Variants in TRHDE observed in about 807,000 individuals in gnomAD.
TRHDE encodes the protein thyrotropin releasing hormone degrading enzyme.
Under a neutral mutation model 125.7 loss-of-function variants are expected in TRHDE, and 72 were observed. The ratio of observed to expected loss-of-function variants is 0.57; its 90% CI spans 0.47 to 0.70. TRHDE has a LOEUF of 0.70. Ranked by LOEUF, TRHDE falls within the 30% of genes least tolerant of loss-of-function variation. TRHDE has a pLI of 0.00. For missense variants in TRHDE, 1,110 were observed against 1,327.1 expected, an observed-to-expected ratio of 0.84 and a Z score of 2.54; for synonymous variants, 509 against 509.1, an observed-to-expected ratio of 1.00 and a Z score of 0.00.
chr12:72,328,490 T>TTTTTTTTTTTTTTTTTTTGAG (rs1869440122), intron 2 of TRHDE, among the ~76,000 whole-genome samples: 1 of 152,140 alleles, frequency 6.6e-6, no homozygotes, highest in African/African-American at 2.4e-5. Context: ...ATTGATGATT[T>TTTTTTTTTTTTTTTTTTTGAG]AATTCATCAT....
intron 12 of TRHDE, among the ~76,000 whole-genome samples, chr12:72,593,374 A>G (rs1014115985): frequency 1.3e-5 from 2 of 152,338 alleles, no homozygotes; most frequent in Admixed American, 6.5e-5. Context: ...AACCAATCTA[A>G]GTGACTCCAA....
chr12:72,554,879 A>G (rs1172208743), intron 7 of TRHDE, among the ~76,000 whole-genome samples: 2 of 152,170 alleles, frequency 1.3e-5, no homozygotes, highest in Non-Finnish European at 2.9e-5. Context: ...ATGGCATACA[A>G]ATCCTACAGT....
At chr12:72,175,591 C>T (rs892444709) in intron 2 of TRHDE, among the ~76,000 whole-genome samples, 5 of 152,212 alleles carry the variant, frequency 3.3e-5, no homozygotes, top group Admixed American at 2.0e-4. Flanking sequence ...CAAAGTGTTA[C>T]AGCTTCTTAG....
intron 2 of TRHDE, among the ~76,000 whole-genome samples, chr12:72,227,600 C>A (rs1878159540): frequency 6.6e-6 from 1 of 152,106 alleles, no homozygotes; most frequent in South Asian, 2.1e-4. Flanking sequence ...ATTTCAAAAC[C>A]AATCATACCT....
chr12:72,425,973 A>G (rs1342581764), intron 3 of TRHDE, among the ~76,000 whole-genome samples: 4 of 152,088 alleles, frequency 2.6e-5, no homozygotes, highest in East Asian at 1.9e-4. Context: ...CAAGACATCA[A>G]CTGTTCATGC....
Position 72,568,627 on chromosome 12 carries a change from A to G in TRHDE, c.2102A>G (p.Glu701Gly). 6.2e-7 allele frequency: 1 copy of G among 1,611,734 alleles called. No individual in the cohort carries two copies. Among genetic ancestry groups the G allele is most frequent in the Admixed American group, 1.7e-5 (1 of 59,976 alleles). Residue 701 changes from glutamate (E) to glycine (G), a missense_variant, in exon 10 of 19, where the codon GAA (glutamate) becomes GGA (glycine). By Grantham distance (98) the Glu-to-Gly change is moderately conservative. Transcript: ENST00000261180. The part of the protein sequence containing the change: ...VVGNRSHVSS[E>G]AIIWVSNKSE... ...GGAAATAGAAGCCATGTGTCTTCAG[A>G]AGCAATTATTTGGGTGTCTAACAAA...
chr12:72,465,420 T>C (rs766162460), intron 3 of TRHDE, among the ~76,000 whole-genome samples: 7 of 152,218 alleles, frequency 4.6e-5, no homozygotes, highest in African/African-American at 1.2e-4. Flanking sequence ...TCTGACTCTA[T>C]AGATTAGTTT....
Position 72,499,578 on chromosome 12 carries a change from G to T in TRHDE, c.1665G>T (p.Gln555His). The change falls in exon 6 of 19, where the codon CAG (glutamine) becomes CAT (histidine). Residue 555 changes from glutamine (Q) to histidine (H), a missense_variant. Around this residue, in one of 5 missense-constraint regions of TRHDE, gnomAD observed 527 missense variants for 651.8 expected, o/e 0.81. Transcript: ENST00000261180. ...TGGCCAGTTCCCATCCAGTATCACA[G>T]GAAGTGCTGCAGGCAACAGATATTG... ...DGLASSHPVS[Q>H]EVLQATDIDR... 6.2e-7 allele frequency: 1 copy of T among 1,613,956 alleles called. No individual in the cohort carries two copies. Among genetic ancestry groups the T allele is most frequent in the South Asian group, 1.1e-5 (1 of 91,084 alleles).
At chr12:72,237,723 A>C (rs541528367) in intron 2 of TRHDE, among the ~76,000 whole-genome samples, 27 of 152,114 alleles carry the variant, frequency 1.8e-4, no homozygotes, top group Non-Finnish European at 3.5e-4. Context: ...AGGCCTCCCT[A>C]GCCATGCGGA....
intron 2 of TRHDE, among the ~76,000 whole-genome samples, chr12:72,364,693 A>C (rs893874278): frequency 6.6e-6 from 1 of 152,054 alleles, no homozygotes; most frequent in African/African-American, 2.4e-5. Context: ...CTGTGCTTGA[A>C]CTGGATGGTG....
intron 2 of TRHDE, among the ~76,000 whole-genome samples, chr12:72,353,231 G>A (rs956955759): frequency 1.3e-5 from 2 of 151,582 alleles, no homozygotes; most frequent in Non-Finnish European, 3.0e-5. Context: ...CAAACAGTCG[G>A]GAGTTTTGTA....
intron 6 of TRHDE, among the ~76,000 whole-genome samples, chr12:72,517,342 G>T (rs1878924593): frequency 6.6e-6 from 1 of 151,974 alleles, no homozygotes; most frequent in Non-Finnish European, 1.5e-5. Flanking sequence ...GGTCTATTCA[G>T]AGATTCAACT....
intron 5 of TRHDE, among the ~76,000 whole-genome samples, chr12:72,478,503 A>C (rs1048761735): frequency 1.5e-5 from 2 of 133,132 alleles, no homozygotes; most frequent in Non-Finnish European, 3.0e-5. Context: ...CTTACTGAAA[A>C]TATAAACGTC....
chr12:72,469,422 C>T (rs1876537489), intron 3 of TRHDE, among the ~76,000 whole-genome samples: 1 of 152,178 alleles, frequency 6.6e-6, no homozygotes, highest in Admixed American at 6.5e-5. Flanking sequence ...TTAGAAGGCA[C>T]AACGCCTTTG....
chr12:72,515,684 G>A (rs1878816615), intron 6 of TRHDE, among the ~76,000 whole-genome samples: 3 of 151,932 alleles, frequency 2.0e-5, no homozygotes, highest in Admixed American at 1.3e-4. Flanking sequence ...TGTTGCCATT[G>A]CTTTTGGTGT....
upstream of TRHDE, among the ~76,000 whole-genome samples, chr12:72,269,639 A>G (rs1879149223): frequency 6.6e-6 from 1 of 152,176 alleles, no homozygotes; most frequent in Non-Finnish European, 1.5e-5. Context: ...GAACTGGGTT[A>G]AAGGGTACAA....
intron 2 of TRHDE, among the ~76,000 whole-genome samples, chr12:72,334,355 C>T (rs1869737281): frequency 6.6e-6 from 1 of 152,214 alleles, no homozygotes; most frequent in South Asian, 2.1e-4. Flanking sequence ...TCCAAATCAG[C>T]TCCTACTCAA....
chr12:72,265,705 T>C (rs1879052096), intron 2 of TRHDE, among the ~76,000 whole-genome samples: 2 of 152,000 alleles, frequency 1.3e-5, no homozygotes, highest in African/African-American at 4.8e-5. Flanking sequence ...TTATAATTAT[T>C]GTTGTATATT....
At position 72,273,808 on chromosome 12, in the gene TRHDE, G is replaced by T. The variant is rs1354013747; in HGVS notation, c.914+251G>T. 1 of 475,454 alleles carries T rather than the reference G, an allele frequency of 2.1e-6. No homozygotes were observed. Among genetic ancestry groups the T allele is most frequent in the Non-Finnish European group, 3.8e-6 (1 of 265,992 alleles). The allele number at this position is 475,454 out of a possible 1,614,324, so 29.5% of individuals were successfully genotyped here. ...TGAATGCTGCCCCCTCCTCTAGTCG[G>T]GACCTCTCCTCTTCCTGTCAGAGTT... On this transcript the variant is annotated intron_variant, in intron 1 of 18. Coordinates refer to ENST00000261180, the MANE Select transcript of TRHDE (RefSeq NM_013381.3). The surrounding 1 kb of genome is among the most constrained non-coding windows in gnomAD (Gnocchi z 5.3).
Sources: allele counts gnomAD v4.1 joint callset (sites outside exome capture counted in the v4.1 genomes callset), GRCh38; gene constraint gnomAD v4.1.1; regional missense constraint gnomAD v4.1.1; non-coding constraint Gnocchi (gnomAD v3.1); transcripts MANE v1.5; gene names NCBI Gene and HGNC (gene_info 2026-07-23, HGNC 2026-07-21).